Variants in WARS1 observed in about 807,000 individuals in gnomAD.
WARS1 encodes tryptophanyl-tRNA synthetase 1.
Under a neutral mutation model 47.8 loss-of-function variants are expected in WARS1, and 17 were observed. The ratio of observed to expected loss-of-function variants is 0.36; its 90% CI spans 0.24 to 0.53. The LOEUF (loss-of-function observed/expected upper bound fraction) is 0.53. Among genes scored for constraint, WARS1 ranks in the 20% least tolerant of loss-of-function variants. The pLI, the probability that WARS1 is intolerant of heterozygous loss-of-function variation, is 0.91. For missense variants in WARS1, 434 were observed against 608.0 expected (o/e 0.71, Z 3.01); for synonymous variants, 208 against 228.1 (o/e 0.91, Z 0.79).
At chr14:100,350,586 T>A (rs1019984652) in intron 6 of WARS1, among the ~76,000 whole-genome samples, 1 of 152,046 alleles carries the variant, frequency 6.6e-6, no homozygotes, top group East Asian at 1.9e-4. Flanking sequence ...ATCTACCCCA[T>A]CGTGCATCTA....
intron 2 of WARS1, among the ~76,000 whole-genome samples, chr14:100,362,331 A>T (rs1446276507): frequency 1.3e-5 from 2 of 152,210 alleles, no homozygotes; most frequent in Non-Finnish European, 2.9e-5. Context: ...GGAGTTCTGC[A>T]TTGGAACTAG....
intron 1 of WARS1, among the ~76,000 whole-genome samples, chr14:100,372,745 T>C (rs1434327743): frequency 6.6e-6 from 1 of 152,214 alleles, no homozygotes; most frequent in African/African-American, 2.4e-5. Flanking sequence ...GGTGTTACTC[T>C]ATGTGCCCTG....
At chr14:100,339,314 T>G (rs974877442) in intron 9 of WARS1, among the ~76,000 whole-genome samples, 4 of 149,736 alleles carry the variant, frequency 2.7e-5, no homozygotes, top group African/African-American at 7.4e-5. Context: ...TGCGAGGGGC[T>G]GGCGCAGTGG....
chr14:100,370,035 G>C (rs1375093182), intron 1 of WARS1, among the ~76,000 whole-genome samples: 1 of 152,076 alleles, frequency 6.6e-6, no homozygotes, highest in Admixed American at 6.6e-5. Context: ...CTAATATATC[G>C]CTGAGCAAAT....
chr14:100,353,877 AAC>A lies in WARS1; in HGVS notation c.543-10_543-9del, dbSNP rs1286095882. On this transcript the variant is annotated splice_polypyrimidine_tract_variant and intron_variant, in intron 5 of 10. Transcript: ENST00000392882. ...AATACATCCTGGAGCCACCTAAAGA[AAC>A]ACAGGGGGAGAAAGCTGACGTCTCA... 6.2e-7 allele frequency: 1 copy of A among 1,611,986 alleles called. No individual in the cohort carries two copies. Among genetic ancestry groups the A allele is most frequent in the Non-Finnish European group, 8.5e-7 (1 of 1,178,990 alleles).
rs1263280490 is a variant in WARS1 at position 100,369,263 on chromosome 14, G to A, written c.-73-5C>T. ...TGTTCAGCAGACGAGTCAAGACTGG[G>A]GTGGGGGCGGGGAAGGAGAGAGAGG... On this transcript the variant is annotated splice_polypyrimidine_tract_variant and splice_region_variant and intron_variant, in intron 1 of 10. Coordinates refer to ENST00000392882, the MANE Select transcript of WARS1 (RefSeq NM_004184.4). 5.4e-6 allele frequency: 5 copies of A among 928,184 alleles called. No homozygotes were observed. The highest frequency in any genetic ancestry group is 1.7e-5 in the African/African-American group (1 of 58,260). The allele number at this position is 928,184 out of a possible 1,614,324, so 57.5% of individuals were successfully genotyped here. A position where few individuals can be genotyped will look rare whatever the true frequency, so the allele number is the denominator to read the frequency against.
chr14:100,351,369 C>T (rs553693131), intron 6 of WARS1, among the ~76,000 whole-genome samples: 14 of 152,126 alleles, frequency 9.2e-5, no homozygotes, highest in Admixed American at 3.9e-4. Context: ...TATACTAACA[C>T]GGCTGGGCAT....
intron 6 of WARS1, among the ~76,000 whole-genome samples, chr14:100,347,393 C>A (rs1447215789): frequency 6.6e-6 from 1 of 152,144 alleles, no homozygotes; most frequent in East Asian, 1.9e-4. Flanking sequence ...CAGAACTAAC[C>A]CTATCCACAG....
At chr14:100,342,997 G>C (rs756477269) in intron 8 of WARS1, among the ~76,000 whole-genome samples, 2 of 152,116 alleles carry the variant, frequency 1.3e-5, no homozygotes, top group Non-Finnish European at 2.9e-5. Context: ...GGGTTCAAGC[G>C]AGGCGAGTAG....
At chr14:100,340,781 C>G (rs550196668) in intron 9 of WARS1, among the ~76,000 whole-genome samples, 1 of 152,234 alleles carries the variant, frequency 6.6e-6, no homozygotes, top group South Asian at 2.1e-4. Context: ...CCACAAGAAG[C>G]CTGCAGGCCC....
intron 2 of WARS1, among the ~76,000 whole-genome samples, chr14:100,363,226 T>A (rs1415599680): frequency 1.3e-5 from 2 of 152,164 alleles, no homozygotes; most frequent in East Asian, 3.9e-4. Flanking sequence ...CTATCTGGTC[T>A]AATTCTGCTT....
chr14:100,369,681 A>AT lies in WARS1; in HGVS notation c.-73-424dup, dbSNP rs796637368. 8.2e-3 allele frequency among the ~76,000 whole-genome samples: 1,179 copies of AT among 144,110 alleles called. 13 individuals are homozygous for AT. Among genetic ancestry groups the AT allele is most frequent in the South Asian group, 0.042 (192 of 4,542 alleles). The allele number at this position is 144,110 out of a possible 152,430, so 94.5% of individuals were successfully genotyped here. On this transcript the variant is annotated intron_variant, in intron 1 of 10. Coordinates refer to ENST00000392882, the MANE Select transcript of WARS1 (RefSeq NM_004184.4). ...AAAACTTTTGGCAAATTACTATTTG[A>AT]TTTTTTTTTTTTTTGAGATGGAGTC...
rs375044597 is a variant in WARS1 at position 100,356,782 on chromosome 14, A to G, written c.423-2216T>C. ...AAAATTGAATAAGAAATACTTCCCA[A>G]CTCATTCTATGAGGCCAGTATTACC... On this transcript the variant is annotated intron_variant, in intron 4 of 10. Transcript: ENST00000392882. Among the ~76,000 whole-genome samples, 4 of 152,244 alleles carry G rather than the reference A, an allele frequency of 2.6e-5. No individual in the cohort carries two copies. The East Asian group carries it at 5.8e-4, about 22-fold the overall frequency.
chr14:100,373,963 G>A lies in WARS1; in HGVS notation c.-74+1320C>T, dbSNP rs1409663516. The A allele has an allele frequency of 2.0e-5, 3 of 152,044 alleles. No individual in the cohort carries two copies. The East Asian group carries it at 5.8e-4, about 29-fold the overall frequency. 9.4% of individuals were successfully genotyped at this position (152,044 alleles called of 1,614,324 possible). On this transcript the variant is annotated intron_variant, in intron 1 of 10. Transcript: ENST00000392882. This position sits in a 1 kb window ranked among gnomAD's most constrained non-coding sequence, Gnocchi z 4.4. ...AGTTTACCCCATTTCCTGTGTAAAT[G>A]TTCTTCTTCCCCCTACCTATTGACA... is the stretch of plus-strand genomic sequence containing the variant.
chr14:100,366,630 C>T, intron 2 of WARS1: 1 of 756,146 alleles, frequency 1.3e-6, no homozygotes. Context: ...TCAGACATGG[C>T]CCATGGACAT....
At chr14:100,374,211 G>A (rs1414040537) in intron 1 of WARS1, 2 of 152,164 alleles carry the variant, frequency 1.3e-5, no homozygotes, top group African/African-American at 4.8e-5. Context: ...TTGCAAATAG[G>A]ACATTGAGAC....
At position 100,354,225 on chromosome 14, in the gene WARS1, G is replaced by C. The variant is rs988178480; in HGVS notation, c.542+222C>G. ...GACAGGGAGCAGGATGAGAAGAGGA[G>C]CAGGCCTGGCTGACTCCAAAGCTGC... is the stretch of plus-strand genomic sequence containing the variant. On this transcript the variant is annotated intron_variant, in intron 5 of 10. Coordinates refer to ENST00000392882, the MANE Select transcript of WARS1 (RefSeq NM_004184.4). 7.1e-6 allele frequency: 4 copies of C among 561,798 alleles called. No individual in the cohort carries two copies. In the Admixed American group the frequency reaches 1.4e-4, roughly 20 times the overall value. 34.8% of individuals were successfully genotyped at this position (561,798 alleles called of 1,614,324 possible).
chr14:100,367,065 G>C (rs768261535), intron 2 of WARS1: 5 of 683,828 alleles, frequency 7.3e-6, no homozygotes, highest in African/African-American at 1.8e-5. Flanking sequence ...AAAAATCTCA[G>C]AGAGAAAAGG....
chr14:100,354,051 C>T (rs897992619), intron 5 of WARS1, 182 bp from the exon 6 acceptor site: 22 of 611,922 alleles, frequency 3.6e-5, no homozygotes, highest in Admixed American at 1.2e-4. Flanking sequence ...TACCATTTAT[C>T]GACCAGGTGG....
Sources: allele counts gnomAD v4.1 joint callset (sites outside exome capture counted in the v4.1 genomes callset), GRCh38; gene constraint gnomAD v4.1.1; non-coding constraint Gnocchi (gnomAD v3.1); transcripts MANE v1.5; gene names NCBI Gene and HGNC (gene_info 2026-07-23, HGNC 2026-07-21).